Variants in KIF15 observed in about 807,000 individuals in gnomAD.
KIF15 encodes kinesin-like protein KIF15.
A neutral mutation model predicts 190.6 loss-of-function variants in KIF15; 140 were observed. The observed-to-expected ratio is 0.73, with a 90% CI of 0.64 to 0.84. KIF15 has a LOEUF of 0.84. KIF15 is among the 40% of genes least tolerant of loss of function. The pLI, the probability that KIF15 is intolerant of heterozygous loss-of-function variation, is 0.00. For missense variants in KIF15, 1,372 were observed against 1,584.4 expected (o/e 0.87, Z 2.28); for synonymous variants, 528 against 551.3 (o/e 0.96, Z 0.59).
rs547487978 is a variant in KIF15, at chr3:44,823,100, A to G, written c.2550-2939A>G. The stretch of plus-strand genomic sequence containing the variant: ...GGAGAAGAGGCGCTCTGGTTTTTAG[A>G]ATTTTCAGCTTTTCTCCTGTGGTTT... On this transcript the variant is annotated intron_variant, in intron 20 of 34. Transcript: ENST00000326047. Among the ~76,000 whole-genome samples the G allele has an allele frequency of 3.9e-5, 6 of 152,086 alleles. No homozygotes were observed. The South Asian group carries it at 8.3e-4, about 21-fold the overall frequency.
intron 32 of KIF15, among the ~76,000 whole-genome samples, chr3:44,849,662 T>G (rs754465047): frequency 9.2e-5 from 14 of 152,120 alleles, no homozygotes; most frequent in Non-Finnish European, 1.8e-4. Context: ...TTATATTGAT[T>G]TAATATATTT....
At chr3:44,793,126 T>C (rs1182428978) in intron 7 of KIF15, among the ~76,000 whole-genome samples, 1 of 152,148 alleles carries the variant, frequency 6.6e-6, no homozygotes, top group Non-Finnish European at 1.5e-5. Flanking sequence ...CTAAAACTTA[T>C]ATGTTCTGTT....
chr3:44,773,101 A>G (rs1401155364), intron 1 of KIF15, among the ~76,000 whole-genome samples: 1 of 151,056 alleles, frequency 6.6e-6, no homozygotes, highest in Admixed American at 6.6e-5. Context: ...GAATATAAAC[A>G]GTGATAGTTG....
intron 5 of KIF15, among the ~76,000 whole-genome samples, chr3:44,781,878 T>C (rs1706181285): frequency 6.6e-6 from 1 of 152,194 alleles, no homozygotes; most frequent in Non-Finnish European, 1.5e-5. Context: ...AGCTTGACTT[T>C]TTCTTACTCA....
chr3:44,806,132 C>A, intron 16 of KIF15, 146 bp downstream of exon 16: 1 of 840,108 alleles, frequency 1.2e-6, no homozygotes, highest in South Asian at 2.1e-5. Flanking sequence ...CTTTGGGTTA[C>A]TGCTAGCAAT....
At chr3:44,822,055 G>C (rs1697370653) in intron 20 of KIF15, among the ~76,000 whole-genome samples, 1 of 152,246 alleles carries the variant, frequency 6.6e-6, no homozygotes, top group Non-Finnish European at 1.5e-5. Flanking sequence ...GGAGGTTGCA[G>C]TGAGCTGAGA....
chr3:44,768,892 A>C (rs1207207067), intron 1 of KIF15, among the ~76,000 whole-genome samples: 1 of 152,228 alleles, frequency 6.6e-6, no homozygotes, highest in African/African-American at 2.4e-5. Context: ...ACATGTATCA[A>C]AACAAAACAA....
intron 31 of KIF15, 67 bp from the exon 32 acceptor site, chr3:44,848,453 CT>C: frequency 1.4e-6 from 1 of 740,654 alleles, no homozygotes; most frequent in Non-Finnish European, 2.2e-6. Flanking sequence ...TCCTTTCTAT[CT>C]TTTTTAAGCA....
Position 44,815,077 on chromosome 3 carries a change from G to A in KIF15, c.2549+1G>A, listed in dbSNP as rs1707967584. 1 of 1,572,484 alleles carries A rather than the reference G, an allele frequency of 6.4e-7. No individual in the cohort carries two copies. Among genetic ancestry groups the A allele is most frequent in the African/African-American group, 1.4e-5 (1 of 72,788 alleles). On this transcript the variant is annotated splice_donor_variant, in intron 20 of 34. Transcript: ENST00000326047. LOFTEE classifies it high-confidence loss of function. ...TACAGCTTCAATTAGATAATCTCAG[G>A]TAGAGTTGTTCTTTTATGGTTTCAA... is the stretch of plus-strand genomic sequence containing the variant.
chr3:44,814,855 GATTT>G (rs1238788760), intron 19 of KIF15, 52 bp from the exon 20 acceptor site: 2 of 1,437,684 alleles, frequency 1.4e-6, no homozygotes, highest in East Asian at 2.4e-5. Context: ...GTACCTATCA[GATTT>G]ATTTGTCTGC....
chr3:44,813,040 T>C, intron 18 of KIF15, 35 bp from the exon 19 acceptor site: 2 of 1,293,192 alleles, frequency 1.5e-6, no homozygotes, highest in Non-Finnish European at 2.2e-6. Flanking sequence ...CATGCCAGTA[T>C]TCCTTTTCCA....
intron 10 of KIF15, 87 bp from the exon 11 acceptor site, chr3:44,800,227 C>A: frequency 1.5e-6 from 2 of 1,303,764 alleles, no homozygotes; most frequent in Non-Finnish European, 2.2e-6. Context: ...ATGTTCATCA[C>A]TACAAATCAT....
intron 3 of KIF15, among the ~76,000 whole-genome samples, chr3:44,776,457 G>T (rs1705897272): frequency 1.3e-5 from 2 of 151,480 alleles, no homozygotes; most frequent in Admixed American, 6.6e-5. Context: ...GATGTTCATT[G>T]TAGTAGCCAT....
Position 44,801,843 on chromosome 3 carries a change from G to A in KIF15, c.1378G>A (p.Val460Met). The change falls in exon 13 of 35, where the codon GTG becomes ATG. Residue 460 changes from valine (V) to methionine (M), a missense_variant. By Grantham distance (21) the Val-to-Met change is conservative. Transcript: ENST00000326047. Reference sequence around the variant, plus strand: ...ATTTATTCAATCTAATAAAATGATTGTGAAATTCCGAGAGGATCAAATAAT... The same window carrying A: ...ATTTATTCAATCTAATAAAATGATTATGAAATTCCGAGAGGATCAAATAAT... ...EKFIQSNKMIVKFREDQIIRL... is the reference protein window; with the variant it reads ...EKFIQSNKMIMKFREDQIIRL... 6.2e-7 allele frequency: 1 copy of A among 1,611,738 alleles called. No individual in the cohort carries two copies. Among genetic ancestry groups the A allele is most frequent in the East Asian group, 2.2e-5 (1 of 44,870 alleles).
At chr3:44,865,741 G>C (rs1461783112) in intron 6 of KIF15, 1 of 157,496 alleles carries the variant, frequency 6.3e-6, no homozygotes, top group African/African-American at 2.4e-5. Flanking sequence ...ATCCCAATGT[G>C]GAGGAGGCAG....
At chr3:44,798,273 C>T (rs1029115306) in intron 10 of KIF15, among the ~76,000 whole-genome samples, 5 of 152,042 alleles carry the variant, frequency 3.3e-5, no homozygotes, top group South Asian at 2.1e-4. Context: ...AGCGATCCTC[C>T]TGCCTCAGCC....
intron 1 of KIF15, among the ~76,000 whole-genome samples, chr3:44,766,514 G>C (rs72874079): frequency 0.011 from 1,663 of 152,260 alleles, 28 homozygotes; most frequent in African/African-American, 0.037. Context: ...GACTTTATCT[G>C]AGCATCAGGT....
chr3:44,829,635 T>C, intron 24 of KIF15, among the ~76,000 whole-genome samples: 1 of 130,370 alleles, frequency 7.7e-6, no homozygotes. Context: ...ACATTATATA[T>C]GTATATATTA....
intron 20 of KIF15, among the ~76,000 whole-genome samples, chr3:44,819,075 G>T (rs931086850): frequency 6.6e-6 from 1 of 151,992 alleles, no homozygotes; most frequent in African/African-American, 2.4e-5. Flanking sequence ...TATTTCTGTG[G>T]GATAGGTGGT....
Sources: gnomAD v4.1 joint callset for allele counts (sites outside exome capture counted in the v4.1 genomes callset) on GRCh38, gnomAD v4.1.1 for gene constraint, MANE v1.5 for transcripts, NCBI Gene and HGNC (gene_info 2026-07-23, HGNC 2026-07-21) for gene names.